Variants in SETBP1 observed in about 807,000 individuals in gnomAD.
The protein encoded by SETBP1 is SET-binding protein.
A neutral mutation model predicts 101.0 loss-of-function variants in SETBP1; 9 were observed. That is an observed-to-expected ratio of 0.09 (90% CI 0.05 to 0.16). The LOEUF is 0.16. Ranked by LOEUF, SETBP1 falls within the 10% of genes least tolerant of loss-of-function variation. SETBP1 has a pLI of 1.00. For synonymous variants in SETBP1, 818 were observed against 788.5 expected (o/e 1.04, Z -0.63); for missense variants, 1,858 against 2,033.8 (o/e 0.91, Z 1.66).
intron 1 of SETBP1, among the ~76,000 whole-genome samples, chr18:44,683,084 C>A (rs2068786600): frequency 6.6e-6 from 1 of 152,028 alleles, no homozygotes; most frequent in Non-Finnish European, 1.5e-5. Context: ...AAGAAGGGGG[C>A]CACTTCTAGC....
intron 3 of SETBP1, among the ~76,000 whole-genome samples, chr18:44,876,305 A>G (rs2069401543): frequency 6.6e-6 from 1 of 152,202 alleles, no homozygotes; most frequent in South Asian, 2.1e-4. Flanking sequence ...AAAGCAGTGT[A>G]TAAGGAAATC....
At chr18:44,854,440 C>T (rs1435519593) in intron 2 of SETBP1, among the ~76,000 whole-genome samples, 5 of 152,192 alleles carry the variant, frequency 3.3e-5, no homozygotes, top group Non-Finnish European at 7.3e-5. Context: ...AAGACATCCT[C>T]AATGTATGTA....
At chr18:44,888,036 G>A (rs776751084) in intron 3 of SETBP1, among the ~76,000 whole-genome samples, 2 of 152,016 alleles carry the variant, frequency 1.3e-5, no homozygotes, top group African/African-American at 4.8e-5. Context: ...ATCAAATAAG[G>A]AACTGAAACA....
At position 44,860,526 on chromosome 18, in the gene SETBP1, C is replaced by T. The variant is rs143102484; in HGVS notation, c.487-8704C>T. 1.2e-3 allele frequency among the ~76,000 whole-genome samples: 185 copies of T among 152,226 alleles called. No individual in the cohort carries two copies. The Middle Eastern group carries it at 0.044, about 36-fold the overall frequency. On this transcript the variant is annotated intron_variant, in intron 2 of 5. Transcript: ENST00000649279. The stretch of plus-strand genomic sequence containing the variant: ...CTATGGGAGGTCAAGGTGGGCAGAT[C>T]ACCTGAGGTTGAGAAGTTCAAGACC...
chr18:44,735,750 C>T (rs1200946264), intron 2 of SETBP1, among the ~76,000 whole-genome samples: 1 of 152,172 alleles, frequency 6.6e-6, no homozygotes, highest in Non-Finnish European at 1.5e-5. Context: ...CTCACCTACG[C>T]CTACTAGTAG....
At chr18:44,745,180 C>T (rs1011777689) in intron 2 of SETBP1, among the ~76,000 whole-genome samples, 1 of 152,168 alleles carries the variant, frequency 6.6e-6, no homozygotes, top group Non-Finnish European at 1.5e-5. Flanking sequence ...CTCAGAGCCC[C>T]CACCCCTTTC....
At chr18:44,985,758 T>C (rs2072217525) in intron 4 of SETBP1, among the ~76,000 whole-genome samples, 1 of 152,216 alleles carries the variant, frequency 6.6e-6, no homozygotes. Context: ...TTCTCCATTG[T>C]TCATTTTCAC....
chr18:44,921,662 AG>A lies in SETBP1; in HGVS notation c.541-28216del, dbSNP rs563165146. On this transcript the variant is annotated intron_variant, in intron 3 of 5. Transcript: ENST00000649279. Reference sequence around the variant, plus strand: ...GCTTGGATCTGCGCTAAATGTTGTAAGGGATCTCCTCAAAAGATTTACAGTC... The same window carrying A: ...GCTTGGATCTGCGCTAAATGTTGTAAGGATCTCCTCAAAAGATTTACAGTC... Among the ~76,000 whole-genome samples, 23 of 152,286 alleles carry A rather than the reference AG, an allele frequency of 1.5e-4. No homozygotes were observed. The East Asian group carries it at 4.5e-3, about 29-fold the overall frequency.
chr18:44,838,547 C>T (rs992999614), intron 2 of SETBP1, among the ~76,000 whole-genome samples: 1 of 152,106 alleles, frequency 6.6e-6, no homozygotes, highest in African/African-American at 2.4e-5. Flanking sequence ...GCTAGGTAGC[C>T]CTTGGGGTGT....
At chr18:44,831,862 C>T (rs2072377746) in intron 2 of SETBP1, among the ~76,000 whole-genome samples, 1 of 152,200 alleles carries the variant, frequency 6.6e-6, no homozygotes, top group African/African-American at 2.4e-5. Flanking sequence ...CTCCCATTCA[C>T]TTGCTGTGCA....
At chr18:44,890,636 A>G (rs2069746845) in intron 3 of SETBP1, among the ~76,000 whole-genome samples, 1 of 152,156 alleles carries the variant, frequency 6.6e-6, no homozygotes, top group Non-Finnish European at 1.5e-5. Context: ...ACCTGGAAGA[A>G]GGAAAATAAG....
At chr18:44,991,539 A>G (rs2072378037) in intron 4 of SETBP1, among the ~76,000 whole-genome samples, 1 of 152,294 alleles carries the variant, frequency 6.6e-6, no homozygotes, top group South Asian at 2.1e-4. Context: ...GTTATTGACT[A>G]TAAAAAGGGT....
intron 3 of SETBP1, among the ~76,000 whole-genome samples, chr18:44,893,555 T>C (rs1049774277): frequency 1.1e-4 from 16 of 152,188 alleles, no homozygotes; most frequent in African/African-American, 3.6e-4. Context: ...GATAGATCAA[T>C]GTTCTCTCCT....
At chr18:44,976,478 C>T (rs1042295124) in intron 4 of SETBP1, among the ~76,000 whole-genome samples, 2 of 152,184 alleles carry the variant, frequency 1.3e-5, no homozygotes, top group African/African-American at 4.8e-5. Context: ...TAAACTGGCC[C>T]TCATCCGCCC....
At chr18:44,948,286 A>C (rs928334684) in intron 3 of SETBP1, among the ~76,000 whole-genome samples, 1 of 152,202 alleles carries the variant, frequency 6.6e-6, no homozygotes, top group Non-Finnish European at 1.5e-5. Context: ...ACAGGATTTC[A>C]CAAAATCAGA....
intron 2 of SETBP1, among the ~76,000 whole-genome samples, chr18:44,841,379 A>C (rs1372126942): frequency 6.6e-6 from 1 of 152,164 alleles, no homozygotes; most frequent in Non-Finnish European, 1.5e-5. Flanking sequence ...GAAAGTCATG[A>C]TGCCTTTATG....
chr18:45,009,251 T>C (rs1599442512), intron 4 of SETBP1, among the ~76,000 whole-genome samples: 1 of 151,686 alleles, frequency 6.6e-6, no homozygotes, highest in Non-Finnish European at 1.5e-5. Context: ...CAGCAGCAGG[T>C]GCTGGCTGCC....
intron 2 of SETBP1, among the ~76,000 whole-genome samples, chr18:44,709,245 T>A (rs1207879867): frequency 6.6e-6 from 1 of 152,180 alleles, no homozygotes; most frequent in Non-Finnish European, 1.5e-5. Flanking sequence ...CCATTGAAAA[T>A]GCATCTGGCA....
At chr18:44,739,591 C>T (rs2070052834) in intron 2 of SETBP1, among the ~76,000 whole-genome samples, 1 of 152,234 alleles carries the variant, frequency 6.6e-6, no homozygotes, top group South Asian at 2.1e-4. Flanking sequence ...ATCTGAGGTT[C>T]TGGGAAATCT....
Sources: gnomAD v4.1 joint callset for allele counts (sites outside exome capture counted in the v4.1 genomes callset) on GRCh38, gnomAD v4.1.1 for gene constraint, MANE v1.5 for transcripts, NCBI Gene and HGNC (gene_info 2026-07-23, HGNC 2026-07-21) for gene names.